The following SYBU variants were observed in gnomAD, a reference collection of about 807,000 sequenced individuals.
The protein encoded by SYBU is syntabulin.
In SYBU, 21 loss-of-function variants were observed where a neutral mutation model predicts 35.9. The observed-to-expected ratio is 0.58, with a 90% CI of 0.41 to 0.84. The LOEUF (loss-of-function observed/expected upper bound fraction) is 0.84, where lower values mean the gene tolerates loss of function less well. Ranked by LOEUF, SYBU falls within the 40% of genes least tolerant of loss-of-function variation. The pLI, the probability that SYBU is intolerant of heterozygous loss-of-function variation, is 0.00. For missense variants in SYBU, 768 were observed against 848.2 expected (o/e 0.91, Z 1.17); for synonymous variants, 319 against 324.3 (o/e 0.98, Z 0.18).
intron 3 of SYBU, among the ~76,000 whole-genome samples, chr8:109,616,169 G>A (rs1297495610): frequency 1.2e-4 from 18 of 151,108 alleles, no homozygotes; most frequent in Non-Finnish European, 1.8e-4. Flanking sequence ...ACACCACCAC[G>A]CCTGGCTAAT....
intron 3 of SYBU, among the ~76,000 whole-genome samples, chr8:109,598,245 G>A (rs998770977): frequency 1.3e-5 from 2 of 152,208 alleles, no homozygotes; most frequent in African/African-American, 4.8e-5. Flanking sequence ...ACACACTGTA[G>A]TATATATTTT....
upstream of SYBU, chr8:109,647,692 A>C (rs1815850037): frequency 6.6e-6 from 1 of 152,242 alleles, no homozygotes; most frequent in Admixed American, 6.5e-5. Flanking sequence ...TTGTTTTGAA[A>C]ATGATTCAGA....
At chr8:109,674,828 A>C (rs1242955404) in intron 1 of SYBU, among the ~76,000 whole-genome samples, 1 of 152,222 alleles carries the variant, frequency 6.6e-6, no homozygotes, top group Non-Finnish European at 1.5e-5. Context: ...ACACCAAGTC[A>C]ACGGAATATA....
rs1563664441 is a variant in SYBU at position 109,574,886 on chromosome 8, A to G, written c.*20T>C. 1 of 1,511,038 alleles carries G rather than the reference A, an allele frequency of 6.6e-7. No homozygotes were observed. Among genetic ancestry groups the G allele is most frequent in the East Asian group, 2.3e-5 (1 of 43,864 alleles). The allele number at this position is 1,511,038 out of a possible 1,614,324, so 93.6% of individuals were successfully genotyped here. On this transcript the variant is annotated 3_prime_UTR_variant, in exon 7 of 7. Transcript: ENST00000276646. Reference sequence around the variant, plus strand: ...CAACCCACATGGGACACATTGGCACACGGTAACAACAACTTCTATTTAGGT... The same window carrying G: ...CAACCCACATGGGACACATTGGCACGCGGTAACAACAACTTCTATTTAGGT...
chr8:109,639,066 A>G (rs1287880138), intron 2 of SYBU, among the ~76,000 whole-genome samples: 1 of 152,210 alleles, frequency 6.6e-6, no homozygotes, highest in Non-Finnish European at 1.5e-5. Context: ...CGGAGGGAAA[A>G]CAGAAAGTGG....
chr8:109,684,032 C>T (rs947262453), upstream of SYBU, among the ~76,000 whole-genome samples: 5 of 152,210 alleles, frequency 3.3e-5, no homozygotes, highest in African/African-American at 1.2e-4. Flanking sequence ...TACCCAGTCT[C>T]AGATATGTCT....
chr8:109,617,863 T>C (rs767102732), intron 3 of SYBU, among the ~76,000 whole-genome samples: 7 of 152,194 alleles, frequency 4.6e-5, no homozygotes, highest in Non-Finnish European at 8.8e-5. Flanking sequence ...TGAAGAATAA[T>C]CCATTATGAT....
chr8:109,654,141 C>T (rs192008328), intron 1 of SYBU, among the ~76,000 whole-genome samples: 4 of 152,192 alleles, frequency 2.6e-5, no homozygotes, highest in Middle Eastern at 3.4e-3. Context: ...AATAAATGAC[C>T]ATCCAAAGCT....
chr8:109,684,742 G>T (rs1817481059), upstream of SYBU, among the ~76,000 whole-genome samples: 1 of 152,108 alleles, frequency 6.6e-6, no homozygotes, highest in Admixed American at 6.5e-5. Flanking sequence ...TAGGGTAGAG[G>T]GTAGAGAGGA....
intron 1 of SYBU, 136 bp downstream of exon 1, chr8:109,644,500 C>G: frequency 9.5e-7 from 1 of 1,049,168 alleles, no homozygotes; most frequent in Non-Finnish European, 1.4e-6. Flanking sequence ...CTGCCTTCTC[C>G]AGACCCCACC....
In SYBU at chr8:109,588,897, C is replaced by T. The variant is rs992408027; in HGVS notation, c.428-2735G>A. Among the ~76,000 whole-genome samples the T allele has an allele frequency of 3.9e-5, 6 of 152,290 alleles. No homozygotes were observed. The East Asian group carries it at 7.7e-4, about 20-fold the overall frequency. On this transcript the variant is annotated intron_variant, in intron 3 of 6. Transcript: ENST00000276646. ...AAACTCGGCTGGGCATGGTGGCTCA[C>T]GCTTGTAATCCCAGCACTTTGGGAG...
chr8:109,583,975 A>ATTT (rs375357215), intron 4 of SYBU, among the ~76,000 whole-genome samples: 1 of 144,560 alleles, frequency 6.9e-6, no homozygotes, highest in Non-Finnish European at 1.5e-5. Context: ...TGCCCGGCTA[A>ATTT]TTTTTTTTTT....
At chr8:109,669,339 C>CAAA (rs533510895) in intron 1 of SYBU, among the ~76,000 whole-genome samples, 67 of 49,694 alleles carry the variant, frequency 1.3e-3, no homozygotes, top group South Asian at 1.8e-3. Context: ...GAGACTCCGT[C>CAAA]AAAAAAAAAA....
Position 109,644,774 on chromosome 8 carries a change from C to G in SYBU, c.-115G>C, listed in dbSNP as rs985829953. ...CCGGCGCGGGCTGCGGGCGGCGGCT[C>G]TTGGTGAGGCTCCAACGCGCCGCCG... On this transcript the variant is annotated 5_prime_UTR_variant, in exon 1 of 7. Coordinates refer to ENST00000276646, the MANE Select transcript of SYBU (RefSeq NM_001099754.2). The G allele has an allele frequency of 7.5e-6, 8 of 1,069,398 alleles. No individual in the cohort carries two copies. In the African/African-American group the frequency reaches 1.0e-4, roughly 13 times the overall value. 66.2% of individuals were successfully genotyped at this position (1,069,398 alleles called of 1,614,324 possible). A position where few individuals can be genotyped will look rare whatever the true frequency, so the allele number is the denominator to read the frequency against.
upstream of SYBU, among the ~76,000 whole-genome samples, chr8:109,685,241 A>C (rs945621492): frequency 4.6e-5 from 7 of 152,218 alleles, no homozygotes; most frequent in Admixed American, 4.6e-4. Flanking sequence ...TATACACGAA[A>C]ACATGTTAGA....
chr8:109,690,817 T>C (rs1817628596), intron 1 of SYBU, among the ~76,000 whole-genome samples: 1 of 152,168 alleles, frequency 6.6e-6, no homozygotes, highest in Non-Finnish European at 1.5e-5. Flanking sequence ...CTTTCTCACC[T>C]GGAATAGTCT....
At chr8:109,634,621 G>A (rs1281490178) in intron 2 of SYBU, among the ~76,000 whole-genome samples, 1 of 152,166 alleles carries the variant, frequency 6.6e-6, no homozygotes, top group East Asian at 1.9e-4. Flanking sequence ...ACAGTCTTGG[G>A]GAATCAGGTA....
At chr8:109,576,063 A>G in intron 6 of SYBU, 50 bp from the exon 7 acceptor site, 1 of 1,491,398 alleles carries the variant, frequency 6.7e-7, no homozygotes, top group South Asian at 1.3e-5. Flanking sequence ...AAAAAAAAAA[A>G]AAAAAAACTT....
At chr8:109,609,350 CACAA>C (rs1163300206) in intron 3 of SYBU, among the ~76,000 whole-genome samples, 1 of 152,166 alleles carries the variant, frequency 6.6e-6, no homozygotes, top group Admixed American at 6.6e-5. Context: ...CAAAGAAATT[CACAA>C]ACAGATTTTG....
Sources: allele counts gnomAD v4.1 joint callset (sites outside exome capture counted in the v4.1 genomes callset), GRCh38; gene constraint gnomAD v4.1.1; transcripts MANE v1.5; gene names NCBI Gene and HGNC (gene_info 2026-07-23, HGNC 2026-07-21).